Variants in CARMIL1 observed in about 807,000 individuals in gnomAD.
CARMIL1 encodes F-actin-uncapping protein LRRC16A.
Under a neutral mutation model 177.1 loss-of-function variants are expected in CARMIL1, and 90 were observed. That is an observed-to-expected ratio of 0.51 (90% CI 0.43 to 0.61). CARMIL1 has a LOEUF of 0.61. Among genes scored for constraint, CARMIL1 ranks in the 20% least tolerant of loss-of-function variants. CARMIL1 has a pLI of 0.00. For missense variants in CARMIL1, 1,380 were observed against 1,667.0 expected, an observed-to-expected ratio of 0.83 and a Z score of 3.00; for synonymous variants, 577 against 606.2, an observed-to-expected ratio of 0.95 and a Z score of 0.71.
At position 25,520,265 on chromosome 6, in the gene CARMIL1, G is replaced by A; in HGVS notation, c.1896G>A (p.Met632Ile). 6.5e-7 allele frequency: 1 copy of A among 1,549,084 alleles called. No homozygotes were observed. Among genetic ancestry groups the A allele is most frequent in the Non-Finnish European group, 8.8e-7 (1 of 1,142,516 alleles). Residue 632 changes from methionine (M) to isoleucine (I), a missense_variant, in exon 23 of 37, where the codon ATG (methionine) becomes ATA (isoleucine). Physicochemically the swap from Met to Ile is conservative, Grantham distance 10 (BLOSUM62 1). Coordinates refer to ENST00000329474, the MANE Select transcript of CARMIL1 (RefSeq NM_017640.6). ...CTAGGAACTACACATTAAGATTTAT[G>A]CCAATTCCTATGTATGATGCTTCTC... ...AMEKNYTLRF[M>I]PIPMYDASQA...
At chr6:25,467,499 G>A (rs1250413737) in intron 9 of CARMIL1, among the ~76,000 whole-genome samples, 1 of 152,182 alleles carries the variant, frequency 6.6e-6, no homozygotes, top group East Asian at 1.9e-4. Flanking sequence ...GAAGGTTGTG[G>A]ATATCTCACT....
chr6:25,452,844 A>G (rs1473055653), intron 8 of CARMIL1, among the ~76,000 whole-genome samples: 1 of 152,226 alleles, frequency 6.6e-6, no homozygotes, highest in Non-Finnish European at 1.5e-5. Context: ...CTTTTCACAT[A>G]ATTGTGGCTA....
chr6:25,472,610 G>C, intron 11 of CARMIL1, 89 bp downstream of exon 11: 1 of 1,070,902 alleles, frequency 9.3e-7, no homozygotes, highest in Non-Finnish European at 1.4e-6. Context: ...GCTGTATCAA[G>C]CTAAGTTGTA....
chr6:25,318,320 C>T (rs1439276810), intron 2 of CARMIL1, among the ~76,000 whole-genome samples: 6 of 151,926 alleles, frequency 3.9e-5, no homozygotes, highest in Non-Finnish European at 7.4e-5. Context: ...GGGGACAAAG[C>T]GGACTGATTT....
At chr6:25,299,631 C>A (rs1041185900) in intron 2 of CARMIL1, among the ~76,000 whole-genome samples, 6 of 152,048 alleles carry the variant, frequency 3.9e-5, no homozygotes, top group African/African-American at 1.4e-4. Flanking sequence ...GGCCCCTCCC[C>A]ACTAGATCCT....
chr6:25,557,590 GT>G (rs1463737967), intron 29 of CARMIL1, among the ~76,000 whole-genome samples: 1 of 152,060 alleles, frequency 6.6e-6, no homozygotes, highest in Non-Finnish European at 1.5e-5. Context: ...CTTACAAAAT[GT>G]TTACTTTTTA....
intron 2 of CARMIL1, among the ~76,000 whole-genome samples, chr6:25,359,195 A>G (rs371080276): frequency 2.0e-5 from 3 of 152,184 alleles, no homozygotes; most frequent in African/African-American, 7.2e-5. Flanking sequence ...AGACTCTCCC[A>G]TTCTGGCCAG....
intron 2 of CARMIL1, among the ~76,000 whole-genome samples, chr6:25,375,523 T>C (rs990347814): frequency 6.6e-6 from 1 of 152,228 alleles, no homozygotes; most frequent in Non-Finnish European, 1.5e-5. Context: ...TTGCATTTGG[T>C]TACCTAAATC....
intron 2 of CARMIL1, among the ~76,000 whole-genome samples, chr6:25,382,058 A>G (rs1390286051): frequency 6.6e-6 from 1 of 152,130 alleles, no homozygotes; most frequent in Non-Finnish European, 1.5e-5. Context: ...GGAGATTCCA[A>G]AGGTTTTAGA....
intron 2 of CARMIL1, among the ~76,000 whole-genome samples, chr6:25,398,792 G>T (rs1331900958): frequency 6.6e-6 from 1 of 152,200 alleles, no homozygotes; most frequent in South Asian, 2.1e-4. Flanking sequence ...CTGGTCTGGG[G>T]TATTGATGAG....
At position 25,292,814 on chromosome 6, in the gene CARMIL1, G is replaced by C. The variant is rs192050073; in HGVS notation, c.138+7905G>C. Among the ~76,000 whole-genome samples the C allele has an allele frequency of 2.0e-4, 30 of 152,198 alleles. No homozygotes were observed. In the East Asian group the frequency reaches 2.9e-3, roughly 15 times the overall value. On this transcript the variant is annotated intron_variant, in intron 2 of 36. Coordinates refer to ENST00000329474, the MANE Select transcript of CARMIL1 (RefSeq NM_017640.6). ...TGGAGAGGGGAGGAAGGTAAGTGAT[G>C]GGGGGGAGTAGGAGAGTAGCATGAA...
intron 2 of CARMIL1, among the ~76,000 whole-genome samples, chr6:25,408,709 C>G (rs1189157086): frequency 6.6e-6 from 1 of 151,820 alleles, no homozygotes; most frequent in Non-Finnish European, 1.5e-5. Flanking sequence ...CTGTATTGTC[C>G]CCTGATGAGA....
chr6:25,395,676 G>T lies in CARMIL1; in HGVS notation c.139-24438G>T, dbSNP rs925765103. Among the ~76,000 whole-genome samples, 21 of 152,162 alleles carry T rather than the reference G, an allele frequency of 1.4e-4. No homozygotes were observed. In the South Asian group the frequency reaches 3.9e-3, roughly 29 times the overall value. ...CTTTAATGATTGCTCATATAGTATT[G>T]CTCGCTTTTTGAATCAGTGATCTGC... On this transcript the variant is annotated intron_variant, in intron 2 of 36. Transcript: ENST00000329474.
intron 11 of CARMIL1, chr6:25,479,140 C>T (rs1801855532): frequency 3.9e-6 from 2 of 518,988 alleles, no homozygotes; most frequent in East Asian, 1.1e-4. Context: ...ACAGAATGTT[C>T]CCACCGTTCT....
At chr6:25,352,607 G>A (rs1378330425) in intron 2 of CARMIL1, among the ~76,000 whole-genome samples, 1 of 152,122 alleles carries the variant, frequency 6.6e-6, no homozygotes, top group Non-Finnish European at 1.5e-5. Flanking sequence ...GCACAGATTG[G>A]TAAATGTTTT....
intron 2 of CARMIL1, among the ~76,000 whole-genome samples, chr6:25,304,765 A>G (rs375196654): frequency 6.6e-6 from 1 of 152,216 alleles, no homozygotes; most frequent in Non-Finnish European, 1.5e-5. Context: ...GAAATTTACA[A>G]TGTTCCCTGC....
intron 12 of CARMIL1, 42 bp from the exon 13 acceptor site, chr6:25,488,440 T>A (rs762888916): frequency 7.0e-7 from 1 of 1,423,994 alleles, no homozygotes; most frequent in Non-Finnish European, 9.9e-7. Context: ...TCATTTTGTT[T>A]CCTGGAGTGC....
chr6:25,421,625 A>C (rs1795863564), intron 3 of CARMIL1, among the ~76,000 whole-genome samples: 2 of 151,642 alleles, frequency 1.3e-5, no homozygotes, highest in South Asian at 4.2e-4. Flanking sequence ...GAACCAACCC[A>C]AATGTCCAAC....
intron 2 of CARMIL1, among the ~76,000 whole-genome samples, chr6:25,368,922 C>T (rs1005148767): frequency 6.6e-6 from 1 of 152,172 alleles, no homozygotes; most frequent in Non-Finnish European, 1.5e-5. Context: ...TATTGATTTA[C>T]TGTAAATAAT....
Sources: allele counts gnomAD v4.1 joint callset (sites outside exome capture counted in the v4.1 genomes callset), GRCh38; gene constraint gnomAD v4.1.1; transcripts MANE v1.5; gene names NCBI Gene and HGNC (gene_info 2026-07-23, HGNC 2026-07-21).